Variants in IRAG1 observed in about 807,000 individuals in gnomAD.
IRAG1 encodes the protein IP3R-associated cGMP kinase substrate.
Under a neutral mutation model 106.2 loss-of-function variants are expected in IRAG1, and 62 were observed. The ratio of observed to expected loss-of-function variants is 0.58; its 90% CI spans 0.48 to 0.72. IRAG1 has a LOEUF of 0.72. IRAG1 is among the 30% of genes least tolerant of loss of function. The probability of loss-of-function intolerance (pLI) is 0.00; values close to 1 mark genes in which losing one functional copy is unlikely to be tolerated. For missense variants in IRAG1, 1,064 were observed against 1,140.7 expected (o/e 0.93, Z 0.97); for synonymous variants, 462 against 443.9 (o/e 1.04, Z -0.51).
intron 2 of IRAG1, among the ~76,000 whole-genome samples, chr11:10,649,667 AC>A (rs1858299683): frequency 6.6e-6 from 1 of 152,098 alleles, no homozygotes; most frequent in South Asian, 2.1e-4. Context: ...CCTAACCATC[AC>A]AGCTTCAAAA....
rs563013728 is a variant in IRAG1, at chr11:10,661,875, G to A, written c.68-9693C>T. Among the ~76,000 whole-genome samples, 17 of 152,252 alleles carry A rather than the reference G, an allele frequency of 1.1e-4. No individual in the cohort carries two copies. The South Asian group carries it at 2.9e-3, about 26-fold the overall frequency. ...GGATGTAGACATCTTGGGGAGGGGGGAGTATTCAGCCTACTGCCCTATCCT... is the reference window on the plus strand; with the variant it reads ...GGATGTAGACATCTTGGGGAGGGGGAAGTATTCAGCCTACTGCCCTATCCT... On this transcript the variant is annotated intron_variant, in intron 1 of 20. Transcript: ENST00000423302.
intron 2 of IRAG1, among the ~76,000 whole-genome samples, chr11:10,637,680 A>G (rs1469334312): frequency 6.6e-6 from 1 of 152,108 alleles, no homozygotes; most frequent in African/African-American, 2.4e-5. Context: ...AGTTTTTCCC[A>G]TCTTTTGTTC....
At chr11:10,579,940 T>C (rs762783731) in intron 20 of IRAG1, among the ~76,000 whole-genome samples, 6 of 152,218 alleles carry the variant, frequency 3.9e-5, no homozygotes, top group Non-Finnish European at 7.3e-5. Flanking sequence ...CCAAGCTTGA[T>C]TGGTCAGCAT....
chr11:10,631,830 C>A (rs1856712756), intron 4 of IRAG1, among the ~76,000 whole-genome samples, 161 bp downstream of exon 4: 1 of 152,210 alleles, frequency 6.6e-6, no homozygotes, highest in South Asian at 2.1e-4. Context: ...ATTAAATATG[C>A]TTCTCCTAGA....
At position 10,659,522 on chromosome 11, in the gene IRAG1, C is replaced by T. The variant is rs188352014; in HGVS notation, c.68-7340G>A. On this transcript the variant is annotated intron_variant, in intron 1 of 20. Transcript: ENST00000423302. The surrounding 1 kb of genome is among the most constrained non-coding windows in gnomAD (Gnocchi z 4.1). ...AACCCCGACAATCCTGGGGTTTGCA[C>T]CTCTGTGGGAAACCTTCTTAGGGCC... Among the ~76,000 whole-genome samples the T allele has an allele frequency of 3.0e-4, 45 of 152,224 alleles. No individual in the cohort carries two copies. Among genetic ancestry groups the T allele is most frequent in the African/African-American group, 1.0e-3 (42 of 41,550 alleles).
intron 10 of IRAG1, among the ~76,000 whole-genome samples, chr11:10,622,995 T>C (rs1434151752): frequency 1.3e-5 from 2 of 152,080 alleles, no homozygotes; most frequent in Admixed American, 1.3e-4. Context: ...ACTTTATAGA[T>C]ATTAGCTGCT....
chr11:10,617,333 CA>C (rs1423728897), intron 10 of IRAG1: 1 of 260,286 alleles, frequency 3.8e-6, no homozygotes, highest in East Asian at 1.8e-4. Context: ...TCCTTCCCCA[CA>C]AATACAGAAG....
At chr11:10,646,555 A>C (rs1431594377) in intron 2 of IRAG1, among the ~76,000 whole-genome samples, 1 of 152,174 alleles carries the variant, frequency 6.6e-6, no homozygotes, top group Non-Finnish European at 1.5e-5. Flanking sequence ...CTCCACAAGC[A>C]GATCCCTTCC....
rs1363101926 is a variant in IRAG1, at chr11:10,581,992, G to T, written c.2241-6C>A. 3 of 1,611,794 alleles carry T rather than the reference G, an allele frequency of 1.9e-6. No individual in the cohort carries two copies. Among genetic ancestry groups the T allele is most frequent in the South Asian group, 2.2e-5 (2 of 90,770 alleles). ...GGTCCCCATTTGTCTTTCCACTAGT[G>T]AGAAGAGGGAAGTACAGGGCATCAT... On this transcript the variant is annotated splice_polypyrimidine_tract_variant and splice_region_variant and intron_variant, in intron 18 of 20. Transcript: ENST00000423302.
intron 1 of IRAG1, among the ~76,000 whole-genome samples, chr11:10,653,418 T>C (rs1352613460): frequency 6.6e-6 from 1 of 152,228 alleles, no homozygotes; most frequent in Non-Finnish European, 1.5e-5. Context: ...CACTACTCTT[T>C]CGTGCTTCTT....
At chr11:10,619,725 A>G (rs1855692588) in intron 10 of IRAG1, among the ~76,000 whole-genome samples, 1 of 152,214 alleles carries the variant, frequency 6.6e-6, no homozygotes, top group South Asian at 2.1e-4. Context: ...TACTGTTATT[A>G]ACCTCCTTTA....
chr11:10,645,326 C>T (rs912072100), intron 2 of IRAG1, among the ~76,000 whole-genome samples: 5 of 152,196 alleles, frequency 3.3e-5, no homozygotes, highest in African/African-American at 4.8e-5. Context: ...CCTCAGCTTA[C>T]AACCATGAGA....
chr11:10,611,768 C>G (rs530472740), intron 10 of IRAG1: 1 of 152,214 alleles, frequency 6.6e-6, no homozygotes, highest in African/African-American at 2.4e-5. Flanking sequence ...AGAAAAAATT[C>G]TTACAAAGAG....
At chr11:10,680,540 G>GGAAGGAA (rs1861169565) in intron 1 of IRAG1, among the ~76,000 whole-genome samples, 9 of 85,806 alleles carry the variant, frequency 1.0e-4, no homozygotes, top group African/African-American at 3.2e-4. Flanking sequence ...AGGAAGGAAG[G>GGAAGGAA]GGAAGGGGAA....
intron 17 of IRAG1, among the ~76,000 whole-genome samples, chr11:10,592,385 G>A (rs1418163410): frequency 6.6e-6 from 1 of 152,178 alleles, no homozygotes; most frequent in East Asian, 1.9e-4. Flanking sequence ...ACACTAACCA[G>A]TCCTCTCCAA....
At chr11:10,623,138 G>A (rs1039071974) in intron 10 of IRAG1, among the ~76,000 whole-genome samples, 16 of 152,288 alleles carry the variant, frequency 1.1e-4, no homozygotes, top group Admixed American at 5.2e-4. Flanking sequence ...GGTGGGGCTC[G>A]ACATACTCAT....
intron 10 of IRAG1, among the ~76,000 whole-genome samples, chr11:10,613,817 G>A (rs1035701750): frequency 2.0e-5 from 3 of 152,124 alleles, no homozygotes; most frequent in African/African-American, 7.2e-5. Flanking sequence ...CCGTATTCTT[G>A]ATGTTCTGTC....
intron 15 of IRAG1, among the ~76,000 whole-genome samples, chr11:10,600,354 C>T (rs1052131257): frequency 6.6e-6 from 1 of 152,242 alleles, no homozygotes; most frequent in African/African-American, 2.4e-5. Context: ...TCCACCCTAA[C>T]TGCCCAGGTT....
At chr11:10,612,864 T>C (rs1006898291) in intron 10 of IRAG1, among the ~76,000 whole-genome samples, 1 of 152,066 alleles carries the variant, frequency 6.6e-6, no homozygotes, top group Non-Finnish European at 1.5e-5. Flanking sequence ...TGGAAGATGA[T>C]TGCTATTTAA....
Sources: gnomAD v4.1 joint callset for allele counts (sites outside exome capture counted in the v4.1 genomes callset) on GRCh38, gnomAD v4.1.1 for gene constraint, Gnocchi (gnomAD v3.1) non-coding constraint, MANE v1.5 for transcripts, NCBI Gene and HGNC (gene_info 2026-07-23, HGNC 2026-07-21) for gene names.